CCSER1: variants seen among roughly 807,000 people sequenced by gnomAD.
The protein encoded by CCSER1 is coiled-coil serine rich protein 1.
A neutral mutation model predicts 82.0 loss-of-function variants in CCSER1; 41 were observed. That is an observed-to-expected ratio of 0.50 (90% CI 0.39 to 0.65). CCSER1 has a LOEUF of 0.65. Ranked by LOEUF, CCSER1 falls within the 30% of genes least tolerant of loss-of-function variation. The probability of loss-of-function intolerance (pLI) is 0.00; values close to 1 mark genes in which losing one functional copy is unlikely to be tolerated. For missense variants in CCSER1, 1,119 were observed against 1,064.2 expected, an observed-to-expected ratio of 1.05 and a Z score of -0.72; for synonymous variants, 414 against 383.9, an observed-to-expected ratio of 1.08 and a Z score of -0.92.
chr4:91,100,843 G>A (rs1724988403), intron 10 of CCSER1, among the ~76,000 whole-genome samples: 4 of 152,038 alleles, frequency 2.6e-5, no homozygotes, highest in Admixed American at 2.6e-4. Flanking sequence ...TGTTGATCAA[G>A]CAAAACTAAG....
rs1169277588 is a variant in CCSER1 at position 91,599,285 on chromosome 4, T to A, written c.*228T>A. On this transcript the variant is annotated 3_prime_UTR_variant, in exon 11 of 11. Coordinates refer to ENST00000509176, the MANE Select transcript of CCSER1 (RefSeq NM_001145065.2). ...CTAGGTTGCATTGCCTTGAAGACTT[T>A]ACTATATAGGTGTATAATAAATGGG... The A allele has an allele frequency of 2.1e-6, 1 of 478,994 alleles. No individual in the cohort carries two copies. Among genetic ancestry groups the A allele is most frequent in the Non-Finnish European group, 3.7e-6 (1 of 271,726 alleles). The allele number at this position is 478,994 out of a possible 1,614,324, so 29.7% of individuals were successfully genotyped here. A position where few individuals can be genotyped will look rare whatever the true frequency, so the allele number is the denominator to read the frequency against.
chr4:90,846,989 T>A (rs1763302010), intron 8 of CCSER1, among the ~76,000 whole-genome samples: 1 of 152,180 alleles, frequency 6.6e-6, no homozygotes, highest in South Asian at 2.1e-4. Flanking sequence ...AGTCTTAATT[T>A]GATTTAATTC....
rs1759697866 is a variant in CCSER1, at chr4:91,509,245, G to T, written c.2218-89327G>T. On this transcript the variant is annotated intron_variant, in intron 10 of 10. Transcript: ENST00000509176. ...GACATTTACAGCTGCAGATATCTCT[G>T]TAAACACTGTTTCAGCTGTAACAAA... Among the ~76,000 whole-genome samples, 3 of 151,848 alleles carry T rather than the reference G, an allele frequency of 2.0e-5. No individual in the cohort carries two copies. The South Asian group carries it at 6.2e-4, about 32-fold the overall frequency.
intron 10 of CCSER1, among the ~76,000 whole-genome samples, chr4:91,285,146 T>C (rs189634513): frequency 6.6e-6 from 1 of 151,922 alleles, no homozygotes; most frequent in Non-Finnish European, 1.5e-5. Flanking sequence ...CTCTCTATCG[T>C]CTACATTTCT....
intron 3 of CCSER1, among the ~76,000 whole-genome samples, chr4:90,339,368 A>G (rs534858991): frequency 1.6e-4 from 25 of 152,170 alleles, no homozygotes; most frequent in Middle Eastern, 6.8e-3. Flanking sequence ...TTGCTTGCTT[A>G]GTCTGCTCTC....
At chr4:90,933,182 T>A (rs1349100710) in intron 9 of CCSER1, among the ~76,000 whole-genome samples, 5 of 90,796 alleles carry the variant, frequency 5.5e-5, no homozygotes, top group South Asian at 6.4e-4. Context: ...TGTGTGTGTG[T>A]GATTTTATTT....
At chr4:91,062,717 T>G (rs1485370759) in intron 9 of CCSER1, among the ~76,000 whole-genome samples, 1 of 152,116 alleles carries the variant, frequency 6.6e-6, no homozygotes. Flanking sequence ...AAGAGCAAAC[T>G]TAAATTATTC....
chr4:91,082,194 A>C (rs1212460876), intron 9 of CCSER1, among the ~76,000 whole-genome samples: 2 of 152,228 alleles, frequency 1.3e-5, no homozygotes, highest in Non-Finnish European at 2.9e-5. Context: ...CCAAAACGGC[A>C]TGGTACTGGT....
chr4:91,288,683 C>A (rs377350373), intron 10 of CCSER1, among the ~76,000 whole-genome samples: 1 of 152,000 alleles, frequency 6.6e-6, no homozygotes, highest in African/African-American at 2.4e-5. Flanking sequence ...CCATTCAAAA[C>A]AAAAGCCTAA....
chr4:90,226,875 C>G (rs911590085), intron 1 of CCSER1, among the ~76,000 whole-genome samples: 10 of 152,182 alleles, frequency 6.6e-5, no homozygotes, highest in Non-Finnish European at 1.2e-4. Context: ...AATGACTGAG[C>G]ATGATGGGGT....
chr4:90,895,661 G>C (rs1298805475), intron 8 of CCSER1, among the ~76,000 whole-genome samples: 3 of 151,852 alleles, frequency 2.0e-5, no homozygotes, highest in Non-Finnish European at 4.4e-5. Context: ...AGAAGGTAGA[G>C]TAAACATAGT....
At chr4:90,373,714 A>G (rs1284445030) in intron 3 of CCSER1, among the ~76,000 whole-genome samples, 2 of 152,140 alleles carry the variant, frequency 1.3e-5, no homozygotes, top group Non-Finnish European at 2.9e-5. Context: ...GGTCTCCAGC[A>G]TTTTTTCATG....
intron 10 of CCSER1, among the ~76,000 whole-genome samples, chr4:91,509,998 C>A (rs550500047): frequency 6.6e-6 from 1 of 151,968 alleles, no homozygotes; most frequent in African/African-American, 2.4e-5. Context: ...CAACCCATTG[C>A]CCCCTCTCTC....
chr4:90,627,923 G>T lies in CCSER1; in HGVS notation c.1725-102G>T, dbSNP rs950504878. ...CTAATATCATGAAATGAGGACACAAGAAATACTTTCTAGGATACTAGAAAC... is the reference window on the plus strand; with the variant it reads ...CTAATATCATGAAATGAGGACACAATAAATACTTTCTAGGATACTAGAAAC... On this transcript the variant is annotated intron_variant, in intron 5 of 10. Coordinates refer to ENST00000509176, the MANE Select transcript of CCSER1 (RefSeq NM_001145065.2). 1.3e-5 allele frequency: 11 copies of T among 839,128 alleles called. No individual in the cohort carries two copies. In the African/African-American group the frequency reaches 1.9e-4, roughly 14 times the overall value. The allele number at this position is 839,128 out of a possible 1,614,324, so 52.0% of individuals were successfully genotyped here.
intron 10 of CCSER1, among the ~76,000 whole-genome samples, chr4:91,538,069 A>G (rs1023210895): frequency 7.9e-5 from 12 of 152,042 alleles, no homozygotes; most frequent in Non-Finnish European, 1.5e-4. Flanking sequence ...GCATCAGTAA[A>G]ATTAATTCAT....
chr4:90,512,506 C>T (rs1297426297), intron 5 of CCSER1, among the ~76,000 whole-genome samples: 1 of 152,016 alleles, frequency 6.6e-6, no homozygotes. Context: ...ACAGACATGC[C>T]TATAACAAGA....
intron 10 of CCSER1, among the ~76,000 whole-genome samples, chr4:91,502,859 T>G: frequency 6.6e-6 from 1 of 152,332 alleles, no homozygotes; most frequent in East Asian, 1.9e-4. Flanking sequence ...TGAGATGACT[T>G]AATGTAGTCT....
chr4:90,529,808 A>G (rs1774264407), intron 5 of CCSER1, among the ~76,000 whole-genome samples: 1 of 152,010 alleles, frequency 6.6e-6, no homozygotes, highest in African/African-American at 2.4e-5. Context: ...AAATATTACA[A>G]ACTACTACAT....
chr4:90,132,909 T>C (rs1173131726), intron 1 of CCSER1, among the ~76,000 whole-genome samples: 1 of 152,234 alleles, frequency 6.6e-6, no homozygotes, highest in African/African-American at 2.4e-5. Context: ...AGAAACAGTT[T>C]ATTATCTAGT....
Sources: gnomAD v4.1 joint callset for allele counts (sites outside exome capture counted in the v4.1 genomes callset) on GRCh38, gnomAD v4.1.1 for gene constraint, MANE v1.5 for transcripts, NCBI Gene and HGNC (gene_info 2026-07-23, HGNC 2026-07-21) for gene names.